ARID1B: variants seen among roughly 807,000 people sequenced by gnomAD.
ARID1B encodes the protein AT-rich interactive domain-containing protein 1B.
Under a neutral mutation model 212.3 loss-of-function variants are expected in ARID1B, and 30 were observed. The ratio of observed to expected loss-of-function variants is 0.14; its 90% CI spans 0.11 to 0.19. The LOEUF (loss-of-function observed/expected upper bound fraction) is 0.19, where lower values mean the gene tolerates loss of function less well. ARID1B is among the 10% of genes least tolerant of loss of function. The pLI, the probability that ARID1B is intolerant of heterozygous loss-of-function variation, is 1.00. For synonymous variants in ARID1B, 1,402 were observed against 1,301.7 expected (o/e 1.08, Z -1.66); for missense variants, 2,891 against 3,204.0 (o/e 0.90, Z 2.36).
intron 3 of ARID1B, among the ~76,000 whole-genome samples, chr6:156,924,659 A>G (rs1791081763): frequency 1.3e-5 from 2 of 152,228 alleles, no homozygotes; most frequent in Non-Finnish European, 2.9e-5. Flanking sequence ...TGGGTAACTG[A>G]AATCATGGAC....
intron 15 of ARID1B, among the ~76,000 whole-genome samples, chr6:157,192,938 C>G (rs1411110629): frequency 6.6e-6 from 1 of 152,128 alleles, no homozygotes; most frequent in Non-Finnish European, 1.5e-5. Context: ...TACTCTTTGT[C>G]GCTGTTGCTG....
intron 2 of ARID1B, among the ~76,000 whole-genome samples, chr6:156,880,987 G>A (rs1474873053): frequency 6.6e-6 from 1 of 152,166 alleles, no homozygotes; most frequent in African/African-American, 2.4e-5. Flanking sequence ...CTAAAGAGAA[G>A]GGTTTAGAAT....
intron 2 of ARID1B, among the ~76,000 whole-genome samples, chr6:156,881,951 C>CT (rs1485066804): frequency 6.6e-6 from 1 of 152,198 alleles, no homozygotes; most frequent in Admixed American, 6.5e-5. Flanking sequence ...AACATACATA[C>CT]TTCTGCTTTA....
chr6:156,779,569 C>CGCGGGGGCG lies in ARID1B; in HGVS notation c.1791+108_1791+116dup, dbSNP rs1013738446. On this transcript the variant is annotated intron_variant, in intron 1 of 19. Transcript: ENST00000636930. ...TGCCGCGTACTTTTCCCCGTCTTCC[C>CGCGGGGGCG]GCGGGGGCGGCGGGGGCGCGGCGCC... The CGCGGGGGCG allele has an allele frequency of 3.5e-5, 39 of 1,106,926 alleles. No homozygotes were observed. In the East Asian group the frequency reaches 3.7e-4, roughly 10 times the overall value. 68.6% of individuals were successfully genotyped at this position (1,106,926 alleles called of 1,614,324 possible).
chr6:156,995,269 G>T (rs1307491575), intron 4 of ARID1B, among the ~76,000 whole-genome samples: 1 of 152,236 alleles, frequency 6.6e-6, no homozygotes, highest in East Asian at 1.9e-4. Flanking sequence ...TCACTGAAAA[G>T]AACTCTGTTT....
chr6:156,893,045 CTTT>C (rs567719662), intron 2 of ARID1B, among the ~76,000 whole-genome samples: 2 of 85,910 alleles, frequency 2.3e-5, no homozygotes, highest in Non-Finnish European at 2.5e-5. Flanking sequence ...TTTTTTCTTC[CTTT>C]TTTTTTTTTT....
rs771781497 is a variant in ARID1B at position 157,206,320 on chromosome 6, G to C, written c.5548G>C (p.Asp1850His). 10 of 1,614,058 alleles carry C rather than the reference G, an allele frequency of 6.2e-6. No homozygotes were observed. The Middle Eastern group carries it at 4.9e-4, about 80-fold the overall frequency. ...RKDDSQSLAD[D>H]SGKEEEDAEC... Reference sequence around the variant, plus strand: ...GGATGACAGCCAGTCCTTGGCAGACGATTCTGGGAAAGAGGAGGAAGATGC... The same window carrying C: ...GGATGACAGCCAGTCCTTGGCAGACCATTCTGGGAAAGAGGAGGAAGATGC... Residue 1850 changes from aspartate to histidine, a missense_variant, in exon 20 of 20, where the codon GAT becomes CAT. Around this residue, in one of 7 missense-constraint regions of ARID1B, gnomAD observed 332 missense variants for 369.2 expected, o/e 0.90. Coordinates refer to ENST00000636930, the MANE Select transcript of ARID1B (RefSeq NM_001374828.1). This position sits in a 1 kb window ranked among gnomAD's most constrained non-coding sequence, Gnocchi z 6.8.
intron 4 of ARID1B, among the ~76,000 whole-genome samples, chr6:157,026,909 A>C (rs929727794): frequency 6.6e-6 from 1 of 152,190 alleles, no homozygotes; most frequent in Non-Finnish European, 1.5e-5. Context: ...TCCTCTTCCT[A>C]AATTTACCTC....
At position 157,010,767 on chromosome 6, in the gene ARID1B, T is replaced by C. The variant is rs191453303; in HGVS notation, c.2248-73895T>C. 5.7e-3 allele frequency among the ~76,000 whole-genome samples: 871 copies of C among 152,310 alleles called. 4 individuals are homozygous for C. Among genetic ancestry groups the C allele is most frequent in the Non-Finnish European group, 1.0e-2 (680 of 68,032 alleles). ...ATTTTGCATGTGTGAAACTGAAAAA[T>C]CTTTCTCTAGTGCTTAATCCTTCAC... is the stretch of plus-strand genomic sequence containing the variant. On this transcript the variant is annotated intron_variant, in intron 4 of 19. Coordinates refer to ENST00000636930, the MANE Select transcript of ARID1B (RefSeq NM_001374828.1).
intron 1 of ARID1B, among the ~76,000 whole-genome samples, chr6:156,781,670 AT>A (rs1435110201): frequency 6.6e-6 from 1 of 152,094 alleles, no homozygotes. Context: ...AGATTTTTCT[AT>A]TCTTAATAGA....
chr6:156,975,500 C>T (rs915855066), intron 4 of ARID1B, among the ~76,000 whole-genome samples: 1 of 151,862 alleles, frequency 6.6e-6, no homozygotes, highest in Non-Finnish European at 1.5e-5. Flanking sequence ...TGCTGAAGTC[C>T]AACTTTACCA....
chr6:156,881,435 T>C (rs4869897), intron 2 of ARID1B, among the ~76,000 whole-genome samples: 42,819 of 152,098 alleles, frequency 0.28, 6,197 homozygotes, highest in Non-Finnish European at 0.33. Flanking sequence ...TTTAAAAATA[T>C]ATGTATGTAT....
chr6:156,977,194 T>C (rs1254133245), intron 4 of ARID1B: 1 of 198,792 alleles, frequency 5.0e-6, no homozygotes. Flanking sequence ...TTGTGTTTTA[T>C]TGACTTTCAT....
At chr6:156,820,423 C>T (rs1392680210) in intron 1 of ARID1B, among the ~76,000 whole-genome samples, 3 of 152,106 alleles carry the variant, frequency 2.0e-5, no homozygotes, top group African/African-American at 7.2e-5. Flanking sequence ...ATGAATAAGA[C>T]AAAATTTTCA....
intron 5 of ARID1B, among the ~76,000 whole-genome samples, chr6:157,086,698 C>T (rs1784990207): frequency 6.6e-6 from 1 of 152,136 alleles, no homozygotes; most frequent in Non-Finnish European, 1.5e-5. Flanking sequence ...TGATGCAATA[C>T]AGAAGATAAA....
At chr6:157,078,083 A>T (rs918847163) in intron 4 of ARID1B, among the ~76,000 whole-genome samples, 2 of 152,200 alleles carry the variant, frequency 1.3e-5, no homozygotes, top group South Asian at 4.1e-4. Context: ...ACTTGTGGGT[A>T]GGAAGAGTCT....
rs1177371389 is a variant in ARID1B at position 156,807,147 on chromosome 6, C to T, written c.1792-22080C>T. Among the ~76,000 whole-genome samples, 12 of 131,290 alleles carry T rather than the reference C, an allele frequency of 9.1e-5. No individual in the cohort carries two copies. The South Asian group carries it at 3.1e-3, about 34-fold the overall frequency. The allele number at this position is 131,290 out of a possible 152,430, so 86.1% of individuals were successfully genotyped here. On this transcript the variant is annotated intron_variant, in intron 1 of 19. Coordinates refer to ENST00000636930, the MANE Select transcript of ARID1B (RefSeq NM_001374828.1). ...CGTCCAAGTATTGTGCACCCCCCCA[C>T]GCCCCACCCAGTGAAGCATCTTTGT...
intron 13 of ARID1B, among the ~76,000 whole-genome samples, chr6:157,188,181 A>C (rs1793111957): frequency 6.6e-6 from 1 of 152,094 alleles, no homozygotes; most frequent in African/African-American, 2.4e-5. Flanking sequence ...CACATCCTGC[A>C]CATGTACCCC....
chr6:157,150,945 C>T (rs903123159), intron 8 of ARID1B: 1 of 170,924 alleles, frequency 5.9e-6, no homozygotes, highest in African/African-American at 2.4e-5. Context: ...AAAGGAACAC[C>T]CAAACCAAGA....
Sources: gnomAD v4.1 joint callset for allele counts (sites outside exome capture counted in the v4.1 genomes callset) on GRCh38, gnomAD v4.1.1 for gene constraint, gnomAD v4.1.1 regional missense constraint, Gnocchi (gnomAD v3.1) non-coding constraint, MANE v1.5 for transcripts, NCBI Gene and HGNC (gene_info 2026-07-23, HGNC 2026-07-21) for gene names.